MTMR2: variants seen among roughly 807,000 people sequenced by gnomAD.
MTMR2 encodes the protein phosphatidylinositol-3,5-bisphosphate 3-phosphatase MTMR2.
MTMR2 carries 55 observed loss-of-function variants against 86.9 expected under a neutral mutation model. The observed-to-expected ratio is 0.63, with a 90% CI of 0.51 to 0.79. The LOEUF (loss-of-function observed/expected upper bound fraction) is 0.79. MTMR2 is among the 30% of genes least tolerant of loss of function. The probability of loss-of-function intolerance (pLI) is 0.00; values close to 1 mark genes in which losing one functional copy is unlikely to be tolerated. For synonymous variants in MTMR2, 241 were observed against 266.8 expected (o/e 0.90, Z 0.94); for missense variants, 659 against 772.3 (o/e 0.85, Z 1.74).
Position 95,924,056 on chromosome 11 carries a change from C to T in MTMR2, c.-102G>A. ...GCTACGGACCGGGGCCGCAGTCAGG[C>T]CAGCGCCGGCCCGGGAGGGAGACCG... is the stretch of plus-strand genomic sequence containing the variant. On this transcript the variant is annotated 5_prime_UTR_variant, in exon 1 of 15. Coordinates refer to ENST00000346299, the MANE Select transcript of MTMR2 (RefSeq NM_016156.6). The T allele has an allele frequency of 1.2e-5, 17 of 1,440,920 alleles. No homozygotes were observed. The highest frequency in any genetic ancestry group is 1.3e-5 in the Non-Finnish European group (14 of 1,049,510). 89.3% of individuals were successfully genotyped at this position (1,440,920 alleles called of 1,614,324 possible).
chr11:95,841,879 T>G (rs1012666355), intron 11 of MTMR2, among the ~76,000 whole-genome samples, 170 bp from the exon 12 acceptor site: 1 of 152,198 alleles, frequency 6.6e-6, no homozygotes, highest in African/African-American at 2.4e-5. Flanking sequence ...AAGGATCACT[T>G]GGAGCCAGGA....
rs377476088 is a variant in MTMR2 at position 95,892,061 on chromosome 11, C to T, written c.81-3800G>A. ...TAGTTGTTTGTGTTCTTCTGTCATACTGGCTCTGTGCATGCTTGTAGTCAC... is the reference window on the plus strand; with the variant it reads ...TAGTTGTTTGTGTTCTTCTGTCATATTGGCTCTGTGCATGCTTGTAGTCAC... On this transcript the variant is annotated intron_variant, in intron 1 of 14. Transcript: ENST00000346299. Among the ~76,000 whole-genome samples, 5 of 152,350 alleles carry T rather than the reference C, an allele frequency of 3.3e-5. No homozygotes were observed. In the East Asian group the frequency reaches 7.7e-4, roughly 24 times the overall value.
chr11:95,911,755 G>A (rs1051159063), intron 1 of MTMR2, among the ~76,000 whole-genome samples: 3 of 152,006 alleles, frequency 2.0e-5, no homozygotes, highest in African/African-American at 4.8e-5. Context: ...AAGTATACAG[G>A]CAAAAACACT....
At chr11:95,915,723 G>A (rs1024078641) in intron 1 of MTMR2, among the ~76,000 whole-genome samples, 1 of 152,082 alleles carries the variant, frequency 6.6e-6, no homozygotes, top group Non-Finnish European at 1.5e-5. Context: ...TTCTAGAAGA[G>A]GATAAAATAC....
In MTMR2 at chr11:95,899,870, C is replaced by G. The variant is rs1176586684; in HGVS notation, c.81-11609G>C. On this transcript the variant is annotated intron_variant, in intron 1 of 14. Transcript: ENST00000346299. ...GGCAAGAAAGGTTCAAGCTATGTTC[C>G]GTGAATAAACCTCGATACCATGCTA... Among the ~76,000 whole-genome samples, 3 of 152,026 alleles carry G rather than the reference C, an allele frequency of 2.0e-5. No homozygotes were observed. In the East Asian group the frequency reaches 5.8e-4, roughly 29 times the overall value.
intron 7 of MTMR2, among the ~76,000 whole-genome samples, chr11:95,854,043 G>A (rs142534516): frequency 6.6e-6 from 1 of 152,214 alleles, no homozygotes; most frequent in Non-Finnish European, 1.5e-5. Context: ...CATTATTCAC[G>A]TAAGTAGCAG....
intron 1 of MTMR2, among the ~76,000 whole-genome samples, chr11:95,903,383 T>C (rs1866144437): frequency 6.6e-6 from 1 of 152,178 alleles, no homozygotes. Flanking sequence ...CCCTTGCCCT[T>C]GCTTACTTCA....
chr11:95,872,201 T>A (rs1864916708), intron 2 of MTMR2, among the ~76,000 whole-genome samples: 1 of 152,204 alleles, frequency 6.6e-6, no homozygotes, highest in South Asian at 2.1e-4. Flanking sequence ...AATCTATAAA[T>A]TACCTTGGGT....
At chr11:95,843,777 A>G (rs756603133) in intron 11 of MTMR2, among the ~76,000 whole-genome samples, 8 of 152,098 alleles carry the variant, frequency 5.3e-5, no homozygotes, top group Non-Finnish European at 1.2e-4. Context: ...TTCTGTTAAT[A>G]TATAATAAGC....
intron 1 of MTMR2, among the ~76,000 whole-genome samples, chr11:95,922,818 A>G (rs1866977903): frequency 6.6e-6 from 1 of 152,204 alleles, no homozygotes; most frequent in Admixed American, 6.5e-5. Flanking sequence ...ATCAACAGGA[A>G]AAAAGGCAAT....
At chr11:95,901,340 A>G (rs188409616) in intron 1 of MTMR2, among the ~76,000 whole-genome samples, 64 of 152,312 alleles carry the variant, frequency 4.2e-4, no homozygotes, top group African/African-American at 1.5e-3. Flanking sequence ...TTTCAAGGAC[A>G]CTAAGCTATA....
Position 95,924,092 on chromosome 11 carries a change from TG to T in MTMR2, c.-139del, listed in dbSNP as rs1406966788. The T allele has an allele frequency of 4.3e-6, 5 of 1,153,472 alleles. No homozygotes were observed. The Admixed American group carries it at 1.0e-4, about 24-fold the overall frequency. The allele number at this position is 1,153,472 out of a possible 1,614,324, so 71.5% of individuals were successfully genotyped here. ...CCGGGAGGGAGACCGGAAGCGGCCATGTTCCCCCAGAGTGCACCGCGCCTGT... is the reference window on the plus strand; with the variant it reads ...CCGGGAGGGAGACCGGAAGCGGCCATTTCCCCCAGAGTGCACCGCGCCTGT... On this transcript the variant is annotated 5_prime_UTR_variant, in exon 1 of 15. Coordinates refer to ENST00000346299, the MANE Select transcript of MTMR2 (RefSeq NM_016156.6).
intron 1 of MTMR2, among the ~76,000 whole-genome samples, chr11:95,905,467 G>A (rs1400252895): frequency 6.6e-6 from 1 of 151,978 alleles, no homozygotes; most frequent in East Asian, 1.9e-4. Flanking sequence ...AGAAAATGAA[G>A]TTACTGTTAA....
At chr11:95,907,122 G>C (rs960048739) in intron 1 of MTMR2, among the ~76,000 whole-genome samples, 15 of 152,102 alleles carry the variant, frequency 9.9e-5, no homozygotes, top group African/African-American at 3.4e-4. Flanking sequence ...CCACTAGCTA[G>C]ACTAATAAAG....
intron 2 of MTMR2, among the ~76,000 whole-genome samples, chr11:95,873,325 T>C (rs1864968343): frequency 6.6e-6 from 1 of 152,222 alleles, no homozygotes; most frequent in South Asian, 2.1e-4. Context: ...TTCTTCCTGG[T>C]TTAGCCTTGG....
Position 95,838,121 on chromosome 11 carries a change from A to T in MTMR2, c.1566T>A (p.Cys522Ter). 6.2e-7 allele frequency: 1 copy of T among 1,607,494 alleles called. No homozygotes were observed. Among genetic ancestry groups the T allele is most frequent in the South Asian group, 1.1e-5 (1 of 90,932 alleles). The change falls in exon 13 of 15, where the codon TGT becomes TGA. Residue 522 changes from cysteine (C) to a stop codon, truncating the protein, a stop_gained. Transcript: ENST00000346299. LOFTEE classifies it high-confidence loss of function. ...CTTTTCCTCTCTGTTGTTCACTATT[A>T]CAGAGGAATGTTCCGAATAAGCAGC... ...LYSCLFGTFL[C>*]NSEQQRGKEN...
rs553809038 is a variant in MTMR2 at position 95,912,834 on chromosome 11, G to A, written c.80+11041C>T. 6.6e-5 allele frequency: 10 copies of A among 152,008 alleles called. No individual in the cohort carries two copies. In the South Asian group the frequency reaches 1.5e-3, roughly 22 times the overall value. The allele number at this position is 152,008 out of a possible 1,614,324, so 9.4% of individuals were successfully genotyped here. On this transcript the variant is annotated intron_variant, in intron 1 of 14. Coordinates refer to ENST00000346299, the MANE Select transcript of MTMR2 (RefSeq NM_016156.6). ...GCAAATAAAATCACTCCTAACTAGC[G>A]TACTTCACAGAATACAAATGAAGAA...
chr11:95,880,542 C>T (rs1231777183), intron 2 of MTMR2, among the ~76,000 whole-genome samples: 1 of 152,010 alleles, frequency 6.6e-6, no homozygotes, highest in Non-Finnish European at 1.5e-5. Flanking sequence ...GCTGTTTCAG[C>T]ACTGTATGAG....
intron 3 of MTMR2, among the ~76,000 whole-genome samples, chr11:95,864,956 T>C (rs1019406793): frequency 2.0e-5 from 3 of 152,112 alleles, no homozygotes; most frequent in Non-Finnish European, 4.4e-5. Flanking sequence ...ACTTTATTTC[T>C]CAGAGTTTAT....
Sources: gnomAD v4.1 joint callset for allele counts (sites outside exome capture counted in the v4.1 genomes callset) on GRCh38, gnomAD v4.1.1 for gene constraint, MANE v1.5 for transcripts, NCBI Gene and HGNC (gene_info 2026-07-23, HGNC 2026-07-21) for gene names.